RGS5: variants seen among roughly 807,000 people sequenced by gnomAD.
RGS5 encodes regulator of G-protein signalling 5.
A neutral mutation model predicts 18.9 loss-of-function variants in RGS5; 20 were observed. That is an observed-to-expected ratio of 1.06 (90% CI 0.74 to 1.54). The LOEUF (loss-of-function observed/expected upper bound fraction) is 1.54. Ranked by LOEUF, RGS5 falls within the 40% of genes most tolerant of loss-of-function variation. RGS5 has a pLI of 0.00. For missense variants in RGS5, 201 were observed against 211.8 expected (o/e 0.95, Z 0.32); for synonymous variants, 57 against 76.2 (o/e 0.75, Z 1.31).
intron 1 of RGS5, among the ~76,000 whole-genome samples, chr1:163,200,310 C>A (rs774693926): frequency 6.6e-6 from 1 of 152,172 alleles, no homozygotes; most frequent in Non-Finnish European, 1.5e-5. Context: ...GAACTGAACT[C>A]TTCAGCAGAG....
chr1:163,239,932 A>G (rs1232686240), intron 2 of RGS5, among the ~76,000 whole-genome samples: 1 of 152,228 alleles, frequency 6.6e-6, no homozygotes, highest in East Asian at 1.9e-4. Context: ...TAACTGGATT[A>G]CTTTGTACAA....
chr1:163,180,695 T>TTTG (rs1321293581), intron 1 of RGS5, among the ~76,000 whole-genome samples: 1 of 124,442 alleles, frequency 8.0e-6, no homozygotes, highest in Non-Finnish European at 1.7e-5. Context: ...TGTTTTTTTT[T>TTTG]TTTTTTTTTT....
intron 2 of RGS5, among the ~76,000 whole-genome samples, chr1:163,246,479 G>C (rs893397489): frequency 1.3e-5 from 2 of 150,502 alleles, no homozygotes; most frequent in African/African-American, 4.9e-5. Flanking sequence ...TCTGAGGCAG[G>C]AGAATCGCTT....
At chr1:163,270,790 T>C (rs1187341668) in intron 2 of RGS5, among the ~76,000 whole-genome samples, 4 of 152,138 alleles carry the variant, frequency 2.6e-5, no homozygotes, top group Non-Finnish European at 4.4e-5. Flanking sequence ...GCATCTAAAT[T>C]TCCCATGAAC....
intron 1 of RGS5, among the ~76,000 whole-genome samples, chr1:163,190,343 T>TA (rs1396550813): frequency 1.3e-5 from 2 of 152,164 alleles, no homozygotes; most frequent in Non-Finnish European, 2.9e-5. Context: ...TAATTTAAAC[T>TA]ACCTTTATAA....
intron 2 of RGS5, among the ~76,000 whole-genome samples, chr1:163,295,054 A>G (rs757730045): frequency 5.9e-5 from 9 of 152,186 alleles, no homozygotes; most frequent in Non-Finnish European, 7.4e-5. Flanking sequence ...CATTTTGGTC[A>G]AAGTGATTCA....
At chr1:163,268,084 C>CA (rs1461365995) in intron 2 of RGS5, among the ~76,000 whole-genome samples, 1 of 151,928 alleles carries the variant, frequency 6.6e-6, no homozygotes, top group Non-Finnish European at 1.5e-5. Context: ...CTAGATAACT[C>CA]AAACATTTTA....
chr1:163,233,744 T>C (rs1165058494), intron 2 of RGS5, among the ~76,000 whole-genome samples: 1 of 152,040 alleles, frequency 6.6e-6, no homozygotes, highest in Non-Finnish European at 1.5e-5. Flanking sequence ...GAGGGAAGAA[T>C]ATTACAAAGT....
chr1:163,223,919 T>C (rs1343555152), intron 2 of RGS5, among the ~76,000 whole-genome samples: 1 of 152,200 alleles, frequency 6.6e-6, no homozygotes, highest in African/African-American at 2.4e-5. Flanking sequence ...TTGAGTTTTA[T>C]TTTGTTTTTA....
At chr1:163,239,347 G>C (rs985100069) in intron 2 of RGS5, 8 of 151,882 alleles carry the variant, frequency 5.3e-5, no homozygotes, top group African/African-American at 1.9e-4. Flanking sequence ...TTAGCCAGGC[G>C]TGGTGGCCTG....
chr1:163,171,990 T>G (rs1658321053), intron 1 of RGS5, among the ~76,000 whole-genome samples: 1 of 152,090 alleles, frequency 6.6e-6, no homozygotes, highest in Non-Finnish European at 1.5e-5. Context: ...AATGTGGAAC[T>G]AGAGAATGAG....
At chr1:163,304,379 G>T (rs41272003) in intron 2 of RGS5, 2,256 of 152,282 alleles carry the variant, frequency 0.015, 23 homozygotes, top group South Asian at 0.025. Context: ...TTCCTGTCCT[G>T]CTCTTATCTG....
intron 3 of RGS5, among the ~76,000 whole-genome samples, chr1:163,159,656 T>G (rs1220875053): frequency 6.6e-6 from 1 of 152,180 alleles, no homozygotes; most frequent in Non-Finnish European, 1.5e-5. Context: ...TTGACTAGAA[T>G]AGTTATAAAT....
At chr1:163,189,749 AC>A (rs981152552) in intron 1 of RGS5, among the ~76,000 whole-genome samples, 1 of 151,984 alleles carries the variant, frequency 6.6e-6, no homozygotes, top group Non-Finnish European at 1.5e-5. Flanking sequence ...TCTGGGCTTG[AC>A]CCCCTTGTGG....
chr1:163,199,076 A>G (rs1329788191), intron 1 of RGS5, among the ~76,000 whole-genome samples: 3 of 152,216 alleles, frequency 2.0e-5, no homozygotes, highest in South Asian at 2.1e-4. Flanking sequence ...TGAAAATAAA[A>G]TAAATTTTCA....
chr1:163,143,837 TA>T lies in RGS5; in HGVS notation c.*3504del, dbSNP rs1471794922. 6.6e-6 allele frequency: 1 copy of T among 152,146 alleles called. No individual in the cohort carries two copies. The highest frequency in any genetic ancestry group is 6.6e-5 in the Admixed American group (1 of 15,264). 9.4% of individuals were successfully genotyped at this position (152,146 alleles called of 1,614,324 possible). A position where few individuals can be genotyped will look rare whatever the true frequency, so the allele number is the denominator to read the frequency against. ...TGGCAAAAACCTAGAAGGGAATGCT[TA>T]TTAGTTTATTAATTTATTTGTTAAT... On this transcript the variant is annotated 3_prime_UTR_variant, in exon 5 of 5. Transcript: ENST00000313961.
chr1:163,315,317 G>T (rs1649991021), intron 1 of RGS5, among the ~76,000 whole-genome samples: 1 of 152,138 alleles, frequency 6.6e-6, no homozygotes, highest in Non-Finnish European at 1.5e-5. Flanking sequence ...AGCACTTTGG[G>T]AGGCCAAGAC....
intron 1 of RGS5, among the ~76,000 whole-genome samples, chr1:163,192,672 C>G (rs931579482): frequency 1.3e-5 from 2 of 152,080 alleles, no homozygotes; most frequent in Non-Finnish European, 2.9e-5. Context: ...GTGTGTATGC[C>G]TGCACATGCA....
intron 2 of RGS5, among the ~76,000 whole-genome samples, chr1:163,240,231 A>C (rs1454380452): frequency 6.6e-6 from 1 of 152,140 alleles, no homozygotes; most frequent in African/African-American, 2.4e-5. Flanking sequence ...AGAAAAATAG[A>C]CAAATAAGTA....
Sources: gnomAD v4.1 joint callset for allele counts (sites outside exome capture counted in the v4.1 genomes callset) on GRCh38, gnomAD v4.1.1 for gene constraint, MANE v1.5 for transcripts, NCBI Gene and HGNC (gene_info 2026-07-23, HGNC 2026-07-21) for gene names.